The following DPP6 variants were observed in gnomAD, a reference collection of about 807,000 sequenced individuals.
The protein encoded by DPP6 is A-type potassium channel modulatory protein DPP6.
DPP6 carries 69 observed loss-of-function variants against 122.6 expected under a neutral mutation model. That is an observed-to-expected ratio of 0.56 (90% CI 0.46 to 0.69). The LOEUF (loss-of-function observed/expected upper bound fraction) is 0.69, where lower values mean the gene tolerates loss of function less well. Ranked by LOEUF, DPP6 falls within the 30% of genes least tolerant of loss-of-function variation. The pLI, the probability that DPP6 is intolerant of heterozygous loss-of-function variation, is 0.00. For missense variants in DPP6, 928 were observed against 1,116.9 expected (o/e 0.83, Z 2.41); for synonymous variants, 418 against 433.1 (o/e 0.97, Z 0.43).
chr7:154,831,036 G>A (rs1279957186), intron 16 of DPP6, among the ~76,000 whole-genome samples: 1 of 152,184 alleles, frequency 6.6e-6, no homozygotes, highest in Non-Finnish European at 1.5e-5. Context: ...CCACGCCCAG[G>A]TGACCGTGTC....
intron 1 of DPP6, among the ~76,000 whole-genome samples, chr7:153,948,875 A>G (rs970217512): frequency 6.6e-6 from 1 of 150,712 alleles, no homozygotes; most frequent in Non-Finnish European, 1.5e-5. Context: ...TGACTGAAGA[A>G]GTTATTCTGA....
At chr7:154,869,653 G>A (rs1273482862) in intron 18 of DPP6, among the ~76,000 whole-genome samples, 1 of 152,180 alleles carries the variant, frequency 6.6e-6, no homozygotes, top group Admixed American at 6.5e-5. Flanking sequence ...CCTGCACAGG[G>A]ACCCTCACTC....
intron 8 of DPP6, among the ~76,000 whole-genome samples, chr7:154,752,335 C>T (rs909843094): frequency 2.0e-5 from 3 of 152,182 alleles, no homozygotes; most frequent in African/African-American, 7.2e-5. Flanking sequence ...CAGGCATCAC[C>T]AAGTTGCTTC....
intron 1 of DPP6, among the ~76,000 whole-genome samples, chr7:154,056,675 T>C (rs1026247042): frequency 1.5e-4 from 23 of 152,294 alleles, no homozygotes; most frequent in African/African-American, 5.1e-4. Flanking sequence ...TCACCACCCA[T>C]GATGTCCACC....
chr7:154,734,199 G>A (rs1218154734), intron 8 of DPP6, among the ~76,000 whole-genome samples: 4 of 152,234 alleles, frequency 2.6e-5, no homozygotes, highest in Non-Finnish European at 4.4e-5. Context: ...TGCCCAGGCT[G>A]GCCTCAAACT....
intron 12 of DPP6, among the ~76,000 whole-genome samples, 160 bp from the exon 13 acceptor site, chr7:154,801,195 C>T (rs368544267): frequency 1.7e-4 from 26 of 152,098 alleles, no homozygotes; most frequent in African/African-American, 5.5e-4. Flanking sequence ...TCATGATTCC[C>T]GAGGAAAGTG....
chr7:154,017,755 A>G (rs1440177969), intron 1 of DPP6, among the ~76,000 whole-genome samples: 10 of 151,158 alleles, frequency 6.6e-5, no homozygotes, highest in Admixed American at 2.0e-4. Context: ...AAATATAAAG[A>G]AAGAATTAGA....
chr7:154,799,941 A>G (rs1400309692), intron 12 of DPP6, among the ~76,000 whole-genome samples: 2 of 152,246 alleles, frequency 1.3e-5, no homozygotes, highest in African/African-American at 4.8e-5. Flanking sequence ...CTGACAAGGT[A>G]GAGATGACAT....
chr7:154,733,150 C>T (rs1428094684), intron 8 of DPP6, among the ~76,000 whole-genome samples: 1 of 152,260 alleles, frequency 6.6e-6, no homozygotes, highest in Non-Finnish European at 1.5e-5. Flanking sequence ...CACTAACTGC[C>T]ACCTTCACTG....
intron 1 of DPP6, among the ~76,000 whole-genome samples, chr7:154,239,066 G>A (rs776701363): frequency 2.0e-5 from 3 of 152,198 alleles, no homozygotes; most frequent in Non-Finnish European, 2.9e-5. Flanking sequence ...ATGTGGAGGC[G>A]TAGCCAGCAT....
At chr7:154,738,865 G>A (rs1274058059) in intron 8 of DPP6, among the ~76,000 whole-genome samples, 4 of 152,216 alleles carry the variant, frequency 2.6e-5, no homozygotes, top group African/African-American at 9.6e-5. Flanking sequence ...GGACAGGCTA[G>A]GTCCTGCTGT....
intron 1 of DPP6, among the ~76,000 whole-genome samples, chr7:154,313,465 G>A (rs1200392058): frequency 6.6e-6 from 1 of 151,842 alleles, no homozygotes; most frequent in Non-Finnish European, 1.5e-5. Flanking sequence ...GGCACGAGAG[G>A]CTCTTGCTTA....
At chr7:154,460,315 G>A (rs1362632261) in intron 2 of DPP6, among the ~76,000 whole-genome samples, 4 of 152,244 alleles carry the variant, frequency 2.6e-5, no homozygotes, top group African/African-American at 2.4e-5. Flanking sequence ...ATGCTGATAT[G>A]TCAATGTCCA....
At chr7:154,822,800 T>TTCTCTC (rs1429643145) in intron 16 of DPP6, among the ~76,000 whole-genome samples, 13 of 152,172 alleles carry the variant, frequency 8.5e-5, no homozygotes, top group Non-Finnish European at 1.8e-4. Context: ...TCATCCTGTT[T>TTCTCTC]TCTCTCTTGC....
the DPP6 span, among the ~76,000 whole-genome samples, chr7:153,829,379 C>A: frequency 0.74 from 111,986 of 151,748 alleles, 41,364 homozygotes; most frequent in Admixed American, 0.81. Flanking sequence ...CCATGCCTGG[C>A]TAATTTTTGT....
intron 5 of DPP6, among the ~76,000 whole-genome samples, chr7:154,629,119 G>C (rs1312672391): frequency 1.3e-5 from 2 of 152,146 alleles, no homozygotes; most frequent in Non-Finnish European, 2.9e-5. Context: ...ATTGTTTTCT[G>C]TCTCCTAGGG....
At chr7:153,917,294 A>G (rs1358414007) in intron 1 of DPP6, among the ~76,000 whole-genome samples, 1 of 152,200 alleles carries the variant, frequency 6.6e-6, no homozygotes, top group Non-Finnish European at 1.5e-5. Flanking sequence ...GTGGGAATAT[A>G]TTCTGGGAGC....
chr7:154,725,434 G>T (rs1384151766), intron 7 of DPP6, among the ~76,000 whole-genome samples: 1 of 152,156 alleles, frequency 6.6e-6, no homozygotes, highest in Admixed American at 6.5e-5. Flanking sequence ...TTGTAGAGGG[G>T]AAGCAGGCAC....
intron 1 of DPP6, among the ~76,000 whole-genome samples, chr7:154,336,953 G>A (rs1809482492): frequency 1.3e-5 from 2 of 152,260 alleles, no homozygotes; most frequent in South Asian, 2.1e-4. Flanking sequence ...AGTGGCAGCC[G>A]AGACCCGGCA....
Sources: gnomAD v4.1 joint callset for allele counts (sites outside exome capture counted in the v4.1 genomes callset) on GRCh38, gnomAD v4.1.1 for gene constraint, MANE v1.5 for transcripts, NCBI Gene and HGNC (gene_info 2026-07-23, HGNC 2026-07-21) for gene names.